PTBP3: variants seen among roughly 807,000 people sequenced by gnomAD.
PTBP3 encodes polypyrimidine tract binding protein 3.
In PTBP3, 20 loss-of-function variants were observed where a neutral mutation model predicts 58.7. The ratio of observed to expected loss-of-function variants is 0.34; its 90% CI spans 0.24 to 0.50. The LOEUF (loss-of-function observed/expected upper bound fraction) is 0.50, where lower values mean the gene tolerates loss of function less well. PTBP3 is among the 20% of genes least tolerant of loss of function. The probability of loss-of-function intolerance (pLI) is 0.98; values close to 1 mark genes in which losing one functional copy is unlikely to be tolerated. For synonymous variants in PTBP3, 185 were observed against 219.8 expected, an observed-to-expected ratio of 0.84 and a Z score of 1.40; for missense variants, 509 against 637.2, an observed-to-expected ratio of 0.80 and a Z score of 2.17.
At position 112,295,103 on chromosome 9, in the gene PTBP3, G is replaced by A. The variant is rs138253868; in HGVS notation, c.34+2729C>T. On this transcript the variant is annotated intron_variant, in intron 2 of 13. Transcript: ENST00000374257. ...AAAAATACAAAAATTAGCCCGGCAC[G>A]GTGGCAGGCGCCTATAATCCCAGGT... Among the ~76,000 whole-genome samples, 370 of 152,116 alleles carry A rather than the reference G, an allele frequency of 2.4e-3. 2 individuals carry two copies. The highest frequency in any genetic ancestry group is 8.6e-3 in the African/African-American group (357 of 41,504).
chr9:112,346,333 A>C, the PTBP3 span, among the ~76,000 whole-genome samples: 1 of 151,498 alleles, frequency 6.6e-6, no homozygotes, highest in South Asian at 2.1e-4. Flanking sequence ...TGCCCAGCTA[A>C]TTTTTGTATT....
At position 112,218,832 on chromosome 9, in the gene PTBP3, A is replaced by C. The variant is rs552174247; in HGVS notation, c.*5019T>G. On this transcript the variant is annotated 3_prime_UTR_variant, in exon 14 of 14. Transcript: ENST00000374257. ...TTCTTTTTTGGCCTTGTTAAAAAAA[A>C]TGTTGTTACAAATATTTACAGCATT... is the stretch of plus-strand genomic sequence containing the variant. 2 of 152,608 alleles carry C rather than the reference A, an allele frequency of 1.3e-5. No homozygotes were observed. The highest frequency in any genetic ancestry group is 4.8e-5 in the African/African-American group (2 of 41,460). 9.5% of individuals were successfully genotyped at this position (152,608 alleles called of 1,614,324 possible). A position where few individuals can be genotyped will look rare whatever the true frequency, so the allele number is the denominator to read the frequency against.
intron 2 of PTBP3, among the ~76,000 whole-genome samples, chr9:112,279,179 T>C (rs1827752651): frequency 2.0e-5 from 3 of 152,126 alleles, no homozygotes; most frequent in Admixed American, 6.6e-5. Flanking sequence ...TAAAAGCCAA[T>C]AGGAAACAAG....
At chr9:112,246,364 C>T (rs986685080) in intron 7 of PTBP3, among the ~76,000 whole-genome samples, 1 of 151,962 alleles carries the variant, frequency 6.6e-6, no homozygotes, top group Non-Finnish European at 1.5e-5. Flanking sequence ...TCATGGAAAC[C>T]ATCACAGTAA....
the PTBP3 span, among the ~76,000 whole-genome samples, chr9:112,372,556 T>C: frequency 6.6e-6 from 1 of 152,178 alleles, no homozygotes; most frequent in Non-Finnish European, 1.5e-5. Flanking sequence ...ATTAAGCAGT[T>C]ACTCTCTATT....
At chr9:112,253,889 T>C (rs1360708057) in intron 5 of PTBP3, among the ~76,000 whole-genome samples, 1 of 152,194 alleles carries the variant, frequency 6.6e-6, no homozygotes. Context: ...TGTTTATAAA[T>C]TACCCAGTCT....
At chr9:112,271,244 G>A (rs1483619361) in intron 3 of PTBP3, among the ~76,000 whole-genome samples, 1 of 152,168 alleles carries the variant, frequency 6.6e-6, no homozygotes, top group African/African-American at 2.4e-5. Context: ...AGGAACAGAA[G>A]TGTTTTAGAT....
chr9:112,371,394 T>G, the PTBP3 span, among the ~76,000 whole-genome samples: 1 of 152,228 alleles, frequency 6.6e-6, no homozygotes, highest in Non-Finnish European at 1.5e-5. Context: ...GGATTGCTCC[T>G]ACTAATTGCA....
At chr9:112,313,937 A>C (rs1829593978) in intron 1 of PTBP3, among the ~76,000 whole-genome samples, 1 of 152,204 alleles carries the variant, frequency 6.6e-6, no homozygotes, top group South Asian at 2.1e-4. Context: ...TTTGGGAAAA[A>C]AAGTTCCACA....
At chr9:112,294,524 A>G (rs1315653869) in intron 2 of PTBP3, among the ~76,000 whole-genome samples, 5 of 152,210 alleles carry the variant, frequency 3.3e-5, no homozygotes, top group Non-Finnish European at 7.3e-5. Context: ...TTTCAAAAAC[A>G]AAACAAAACA....
intron 7 of PTBP3, among the ~76,000 whole-genome samples, chr9:112,239,357 TGA>T (rs1435398036): frequency 6.6e-6 from 1 of 152,096 alleles, no homozygotes; most frequent in Non-Finnish European, 1.5e-5. Flanking sequence ...TGGTGAAGTT[TGA>T]GAGATTAAAA....
chr9:112,251,255 T>A, intron 6 of PTBP3, 152 bp from the exon 7 acceptor site: 1 of 479,244 alleles, frequency 2.1e-6, no homozygotes. Context: ...CTCACAGTCA[T>A]TAACTATGAG....
At chr9:112,261,296 AC>A (rs1159272219) in intron 5 of PTBP3, among the ~76,000 whole-genome samples, 1 of 152,178 alleles carries the variant, frequency 6.6e-6, no homozygotes, top group Non-Finnish European at 1.5e-5. Flanking sequence ...CAAAGGGGAA[AC>A]CCAGTACGCC....
the PTBP3 span, among the ~76,000 whole-genome samples, chr9:112,372,289 G>A: frequency 6.6e-6 from 1 of 152,060 alleles, no homozygotes; most frequent in Non-Finnish European, 1.5e-5. Context: ...TATGTTGCCA[G>A]GCTGGTCTTG....
At chr9:112,377,453 A>G in the PTBP3 span, among the ~76,000 whole-genome samples, 1 of 152,214 alleles carries the variant, frequency 6.6e-6, no homozygotes, top group Non-Finnish European at 1.5e-5. Flanking sequence ...AATGCATTCT[A>G]GAAAGATCAT....
chr9:112,225,688 TTTC>T (rs1252617965), intron 12 of PTBP3, among the ~76,000 whole-genome samples: 4 of 152,192 alleles, frequency 2.6e-5, no homozygotes, highest in East Asian at 1.9e-4. Flanking sequence ...ATTAATATCC[TTTC>T]TTCTTCTTCC....
At chr9:112,326,559 G>T (rs936066961) in intron 1 of PTBP3, among the ~76,000 whole-genome samples, 1 of 152,174 alleles carries the variant, frequency 6.6e-6, no homozygotes, top group Non-Finnish European at 1.5e-5. Context: ...ATACTGACAG[G>T]CATGATAATC....
Position 112,222,497 on chromosome 9 carries a change from C to T in PTBP3, c.*1354G>A. On this transcript the variant is annotated 3_prime_UTR_variant, in exon 14 of 14. Transcript: ENST00000374257. Reference sequence around the variant, plus strand: ...TGAAAAAGATGAAACTGAGATTGCACTCTACAGCCCCAAATTGATATGCAA... The same window carrying T: ...TGAAAAAGATGAAACTGAGATTGCATTCTACAGCCCCAAATTGATATGCAA... 2.0e-6 allele frequency: 2 copies of T among 985,564 alleles called. No homozygotes were observed. The highest frequency in any genetic ancestry group is 2.4e-6 in the Non-Finnish European group (2 of 829,908). The allele number at this position is 985,564 out of a possible 1,614,324, so 61.1% of individuals were successfully genotyped here.
chr9:112,320,291 A>AAAAAAAAATATATATAT (rs1411646280), intron 1 of PTBP3, among the ~76,000 whole-genome samples: 1 of 73,568 alleles, frequency 1.4e-5, no homozygotes, highest in African/African-American at 9.0e-5. Context: ...AAAAAAAAAA[A>AAAAAAAAATATATATAT]ATATATATAT....
Sources: allele counts gnomAD v4.1 joint callset (sites outside exome capture counted in the v4.1 genomes callset), GRCh38; gene constraint gnomAD v4.1.1; transcripts MANE v1.5; gene names NCBI Gene and HGNC (gene_info 2026-07-23, HGNC 2026-07-21).